NAV2: variants seen among roughly 807,000 people sequenced by gnomAD.
NAV2 encodes neuron navigator 2.
Under a neutral mutation model 223.2 loss-of-function variants are expected in NAV2, and 54 were observed. The observed-to-expected ratio is 0.24, with a 90% CI of 0.19 to 0.30. The LOEUF (loss-of-function observed/expected upper bound fraction) is 0.30. Among genes scored for constraint, NAV2 ranks in the 10% least tolerant of loss-of-function variants. The pLI, the probability that NAV2 is intolerant of heterozygous loss-of-function variation, is 1.00. For missense variants in NAV2, 2,806 were observed against 3,147.5 expected (o/e 0.89, Z 2.60); for synonymous variants, 1,279 against 1,239.3 (o/e 1.03, Z -0.67).
chr11:20,006,573 G>C (rs1170180877), intron 11 of NAV2, among the ~76,000 whole-genome samples: 3 of 152,102 alleles, frequency 2.0e-5, no homozygotes, highest in Non-Finnish European at 2.9e-5. Flanking sequence ...TACTTGAGAG[G>C]CTGAGGCAGG....
intron 1 of NAV2, among the ~76,000 whole-genome samples, chr11:19,432,595 G>C (rs1447842733): frequency 6.6e-6 from 1 of 152,218 alleles, no homozygotes; most frequent in Admixed American, 6.5e-5. Context: ...CAGCCACTGA[G>C]AAGACATGGA....
intron 1 of NAV2, among the ~76,000 whole-genome samples, chr11:19,686,295 C>T (rs1020888094): frequency 2.6e-5 from 4 of 152,186 alleles, no homozygotes; most frequent in African/African-American, 9.7e-5. Flanking sequence ...CAGAATCAAC[C>T]TTCTCCATCC....
At chr11:19,602,173 CTTTT>C (rs1204696986) in intron 1 of NAV2, among the ~76,000 whole-genome samples, 1 of 116,246 alleles carries the variant, frequency 8.6e-6, no homozygotes, top group Non-Finnish European at 1.8e-5. Flanking sequence ...CTCTACAAGT[CTTTT>C]TTTTTTTTTT....
intron 11 of NAV2, among the ~76,000 whole-genome samples, chr11:20,035,163 C>G (rs1245014129): frequency 1.3e-5 from 2 of 151,548 alleles, no homozygotes; most frequent in Non-Finnish European, 2.9e-5. Flanking sequence ...TAGCAGTAAT[C>G]CAGGCAGCAT....
chr11:19,548,301 T>G (rs1048198653), intron 1 of NAV2, among the ~76,000 whole-genome samples: 1 of 152,216 alleles, frequency 6.6e-6, no homozygotes, highest in Non-Finnish European at 1.5e-5. Flanking sequence ...AGAATTCGGT[T>G]ATTACCCTTC....
At chr11:20,099,249 C>T (rs2061474301) in intron 31 of NAV2, among the ~76,000 whole-genome samples, 1 of 152,188 alleles carries the variant, frequency 6.6e-6, no homozygotes, top group Non-Finnish European at 1.5e-5. Context: ...TGAGGGGAAG[C>T]AGGAAGGAGT....
chr11:19,576,544 T>A lies in NAV2; in HGVS notation c.75+225517T>A, dbSNP rs963062221. Reference sequence around the variant, plus strand: ...TGAGATAGTTATTTGGGGATATTACTTAGAAATTGCTATAATATATAATTG... The same window carrying A: ...TGAGATAGTTATTTGGGGATATTACATAGAAATTGCTATAATATATAATTG... On this transcript the variant is annotated intron_variant, in intron 1 of 37. Coordinates refer to the NAV2 transcript ENST00000360655. Among the ~76,000 whole-genome samples the A allele has an allele frequency of 2.0e-5, 3 of 152,206 alleles. No homozygotes were observed. The East Asian group carries it at 5.8e-4, about 29-fold the overall frequency.
In NAV2 at chr11:19,504,512, A is replaced by G. The variant is rs142056551; in HGVS notation, c.75+153485A>G. On this transcript the variant is annotated intron_variant, in intron 1 of 37. Coordinates refer to the NAV2 transcript ENST00000360655. Reference sequence around the variant, plus strand: ...GGGAGGGAGGTTCCTGTTAGGAGACATATTCAAGTCCAAACTGAGTGACCA... The same window carrying G: ...GGGAGGGAGGTTCCTGTTAGGAGACGTATTCAAGTCCAAACTGAGTGACCA... The G allele has an allele frequency of 5.7e-4, 87 of 152,326 alleles. 1 individual carries two copies. The highest frequency in any genetic ancestry group is 2.0e-3 in the African/African-American group (82 of 41,566). 9.4% of individuals were successfully genotyped at this position (152,326 alleles called of 1,614,324 possible).
At chr11:20,067,784 C>T (rs2059144772) in intron 20 of NAV2, among the ~76,000 whole-genome samples, 1 of 151,996 alleles carries the variant, frequency 6.6e-6, no homozygotes, top group Admixed American at 6.6e-5. Flanking sequence ...GCTACCATGC[C>T]CAGTCCTAGA....
chr11:19,664,045 T>C (rs530344259), intron 1 of NAV2, among the ~76,000 whole-genome samples: 2 of 152,340 alleles, frequency 1.3e-5, no homozygotes, highest in South Asian at 2.1e-4. Flanking sequence ...AACTTATCTG[T>C]TCTGTTATGT....
intron 11 of NAV2, among the ~76,000 whole-genome samples, chr11:20,021,462 C>T (rs989583991): frequency 2.0e-5 from 3 of 152,160 alleles, no homozygotes; most frequent in African/African-American, 7.2e-5. Context: ...GCCCATGTGC[C>T]TGTGTGTCTC....
At chr11:19,403,924 C>T (rs900582191) in intron 1 of NAV2, among the ~76,000 whole-genome samples, 1 of 78,310 alleles carries the variant, frequency 1.3e-5, no homozygotes, top group African/African-American at 4.0e-5. Flanking sequence ...AGACTCCTTG[C>T]GTACGTGGCT....
At chr11:19,636,964 A>T (rs924480043) in intron 1 of NAV2, among the ~76,000 whole-genome samples, 4 of 152,206 alleles carry the variant, frequency 2.6e-5, no homozygotes, top group Admixed American at 6.5e-5. Flanking sequence ...AAAATATTCA[A>T]ATGGGCCAGA....
At chr11:19,678,210 T>A (rs2048774552) in intron 1 of NAV2, among the ~76,000 whole-genome samples, 1 of 152,204 alleles carries the variant, frequency 6.6e-6, no homozygotes, top group Non-Finnish European at 1.5e-5. Context: ...CTTTTGTGAT[T>A]GTGTGCCAGG....
intron 36 of NAV2, among the ~76,000 whole-genome samples, chr11:20,112,586 A>G (rs1388829085): frequency 6.6e-6 from 1 of 152,194 alleles, no homozygotes. Context: ...AGGCTGTCAC[A>G]CTGATATCTG....
At chr11:19,932,235 G>GC (rs2045420604) in intron 6 of NAV2, among the ~76,000 whole-genome samples, 1 of 7,076 alleles carries the variant, frequency 1.4e-4, no homozygotes, top group Non-Finnish European at 4.2e-4. Flanking sequence ...ACACTCTTAA[G>GC]CAAAAAAAAA....
intron 1 of NAV2, among the ~76,000 whole-genome samples, chr11:19,787,313 A>C (rs532191010): frequency 4.6e-4 from 54 of 117,794 alleles, no homozygotes; most frequent in African/African-American, 1.8e-3. Context: ...ATGGGGTCTC[A>C]GCATGTTGCC....
intron 6 of NAV2, among the ~76,000 whole-genome samples, chr11:19,916,635 A>C (rs1300252840): frequency 6.6e-6 from 1 of 152,252 alleles, no homozygotes; most frequent in Non-Finnish European, 1.5e-5. Flanking sequence ...GATGAATGAA[A>C]CAGAGCCCCA....
At chr11:19,765,750 C>T (rs2055177952) in intron 1 of NAV2, among the ~76,000 whole-genome samples, 1 of 148,820 alleles carries the variant, frequency 6.7e-6, no homozygotes, top group South Asian at 2.1e-4. Context: ...GTTCCCTCTC[C>T]CCGCAACATT....
Sources: gnomAD v4.1 joint callset for allele counts (sites outside exome capture counted in the v4.1 genomes callset) on GRCh38, gnomAD v4.1.1 for gene constraint, MANE v1.5 for transcripts, NCBI Gene and HGNC (gene_info 2026-07-23, HGNC 2026-07-21) for gene names.